The following PPP2R2B variants were observed in gnomAD, a reference collection of about 807,000 sequenced individuals.
PPP2R2B encodes the protein serine/threonine-protein phosphatase 2A 55 kDa regulatory subunit B beta isoform.
A neutral mutation model predicts 46.0 loss-of-function variants in PPP2R2B; 5 were observed. The ratio of observed to expected loss-of-function variants is 0.11; its 90% CI spans 0.06 to 0.23. PPP2R2B has a LOEUF of 0.23. Ranked by LOEUF, PPP2R2B falls within the 10% of genes least tolerant of loss-of-function variation. PPP2R2B has a pLI of 1.00. For missense variants in PPP2R2B, 367 were observed against 575.0 expected (o/e 0.64, Z 3.70); for synonymous variants, 215 against 206.7 (o/e 1.04, Z -0.34).
chr5:146,743,949 C>T lies in PPP2R2B; in HGVS notation c.71-42807G>A, dbSNP rs551338428. Among the ~76,000 whole-genome samples, 54 of 152,200 alleles carry T rather than the reference C, an allele frequency of 3.5e-4. No homozygotes were observed. In the South Asian group the frequency reaches 0.011, roughly 32 times the overall value. On this transcript the variant is annotated intron_variant, in intron 2 of 9. Coordinates refer to ENST00000394411, the MANE Select transcript of PPP2R2B (RefSeq NM_181675.4). Reference sequence around the variant, plus strand: ...CCCAACTGACCTTATTGATTATTTCCCACTGAGAGAGAATCACAGGTTAGC... The same window carrying T: ...CCCAACTGACCTTATTGATTATTTCTCACTGAGAGAGAATCACAGGTTAGC...
At chr5:146,779,381 T>C (rs921193940) in intron 2 of PPP2R2B, among the ~76,000 whole-genome samples, 6 of 152,168 alleles carry the variant, frequency 3.9e-5, no homozygotes, top group Non-Finnish European at 8.8e-5. Flanking sequence ...ATCTGAACCC[T>C]GGGCCTGATG....
At chr5:146,672,541 G>C (rs1490054530) in intron 5 of PPP2R2B, among the ~76,000 whole-genome samples, 2 of 152,090 alleles carry the variant, frequency 1.3e-5, no homozygotes, top group African/African-American at 4.8e-5. Flanking sequence ...CACATAAAGG[G>C]TAAGCAGACT....
At chr5:146,809,579 A>C (rs1426091392) in intron 2 of PPP2R2B, among the ~76,000 whole-genome samples, 1 of 152,202 alleles carries the variant, frequency 6.6e-6, no homozygotes, top group Non-Finnish European at 1.5e-5. Context: ...GAAATGACGT[A>C]TCAGCTAAAA....
Position 146,808,833 on chromosome 5 carries a change from C to G in PPP2R2B, c.70+69169G>C, listed in dbSNP as rs1047803751. Among the ~76,000 whole-genome samples the G allele has an allele frequency of 7.9e-5, 12 of 152,174 alleles. No individual in the cohort carries two copies. In the South Asian group the frequency reaches 8.3e-4, roughly 11 times the overall value. ...TAACTCTTCTAGTCAATTCTACTTT[C>G]ATGTTGGAGTTTGCAATCAACATTT... On this transcript the variant is annotated intron_variant, in intron 2 of 9. Transcript: ENST00000394411.
chr5:146,677,607 C>T (rs1005114843), intron 5 of PPP2R2B, among the ~76,000 whole-genome samples: 3 of 140,684 alleles, frequency 2.1e-5, no homozygotes, highest in Non-Finnish European at 3.1e-5. Flanking sequence ...GGCCTGATCT[C>T]GGCTCACTGC....
chr5:146,950,693 T>G (rs1207340091), intron 1 of PPP2R2B, among the ~76,000 whole-genome samples: 3 of 152,028 alleles, frequency 2.0e-5, no homozygotes, highest in Non-Finnish European at 4.4e-5. Context: ...GTGCTGGACC[T>G]AACATCACAG....
intron 2 of PPP2R2B, among the ~76,000 whole-genome samples, chr5:146,824,360 CTA>C (rs1758444441): frequency 6.6e-6 from 1 of 152,166 alleles, no homozygotes; most frequent in African/African-American, 2.4e-5. Flanking sequence ...ATGACCATCT[CTA>C]GTTTTCAGGC....
chr5:146,860,176 G>A (rs1274484272), intron 2 of PPP2R2B, among the ~76,000 whole-genome samples: 1 of 152,068 alleles, frequency 6.6e-6, no homozygotes, highest in African/African-American at 2.4e-5. Flanking sequence ...ATCTTAAAAC[G>A]TTTTACAGGT....
intron 2 of PPP2R2B, among the ~76,000 whole-genome samples, chr5:146,855,917 G>A (rs1234844224): frequency 6.6e-6 from 1 of 152,138 alleles, no homozygotes; most frequent in East Asian, 1.9e-4. Flanking sequence ...TAATGAAAGG[G>A]CTTTAGAATA....
intron 2 of PPP2R2B, among the ~76,000 whole-genome samples, chr5:146,833,714 T>A (rs935109706): frequency 2.0e-5 from 3 of 152,030 alleles, no homozygotes; most frequent in Non-Finnish European, 4.4e-5. Flanking sequence ...GTCTCTTCTT[T>A]TTCTGTCTCT....
chr5:147,007,535 C>T (rs757242431), intron 1 of PPP2R2B, among the ~76,000 whole-genome samples: 5 of 152,252 alleles, frequency 3.3e-5, no homozygotes, highest in East Asian at 3.9e-4. Context: ...AGCTGGCCAC[C>T]GGAGCCAGCA....
intron 6 of PPP2R2B, among the ~76,000 whole-genome samples, chr5:146,649,063 A>C (rs1217080203): frequency 6.6e-6 from 1 of 152,242 alleles, no homozygotes; most frequent in East Asian, 1.9e-4. Flanking sequence ...GAATGAATGG[A>C]GACCAGATGA....
At chr5:146,625,076 C>T (rs1378639451) in intron 7 of PPP2R2B, among the ~76,000 whole-genome samples, 1 of 152,258 alleles carries the variant, frequency 6.6e-6, no homozygotes, top group Non-Finnish European at 1.5e-5. Context: ...CAACAATAAA[C>T]ATTCGTTGAA....
At chr5:146,691,308 G>T in intron 4 of PPP2R2B, 68 bp from the exon 5 acceptor site, 1 of 1,296,622 alleles carries the variant, frequency 7.7e-7, no homozygotes, top group Non-Finnish European at 1.1e-6. Flanking sequence ...GTTTTCCTGG[G>T]GGCAATGGGG....
chr5:146,606,343 G>A (rs1772268298), intron 7 of PPP2R2B, among the ~76,000 whole-genome samples: 1 of 152,172 alleles, frequency 6.6e-6, no homozygotes. Context: ...TGATCCTGAA[G>A]GCCTGTTCAC....
Position 146,581,492 on chromosome 5 carries a change from G to T in PPP2R2B, c.*8455C>A, listed in dbSNP as rs978994546. 5.3e-5 allele frequency: 8 copies of T among 152,240 alleles called. No homozygotes were observed. The highest frequency in any genetic ancestry group is 4.2e-4 in the South Asian group (2 of 4,818). The allele number at this position is 152,240 out of a possible 1,614,324, so 9.4% of individuals were successfully genotyped here. On this transcript the variant is annotated 3_prime_UTR_variant, in exon 10 of 10. Coordinates refer to ENST00000394411, the MANE Select transcript of PPP2R2B (RefSeq NM_181675.4). ...GGATTACAATTTGACATGAGATTATGGTGAGGACACAGATCCAAATCATGT... is the reference window on the plus strand; with the variant it reads ...GGATTACAATTTGACATGAGATTATTGTGAGGACACAGATCCAAATCATGT...
At chr5:146,931,089 T>C (rs1763953429) in intron 1 of PPP2R2B, among the ~76,000 whole-genome samples, 1 of 152,170 alleles carries the variant, frequency 6.6e-6, no homozygotes, top group Non-Finnish European at 1.5e-5. Context: ...CTATACTCTA[T>C]AGTTCTATAC....
At chr5:146,855,435 A>T (rs1760598333) in intron 2 of PPP2R2B, among the ~76,000 whole-genome samples, 1 of 152,222 alleles carries the variant, frequency 6.6e-6, no homozygotes, top group Non-Finnish European at 1.5e-5. Flanking sequence ...CTTTATCCAT[A>T]GTCTGATGGA....
chr5:146,787,207 G>C (rs1012786083), intron 2 of PPP2R2B, among the ~76,000 whole-genome samples: 12 of 152,122 alleles, frequency 7.9e-5, no homozygotes, highest in African/African-American at 2.9e-4. Flanking sequence ...ATCTCCATGA[G>C]GGGAGCAGGC....
Sources: gnomAD v4.1 joint callset for allele counts (sites outside exome capture counted in the v4.1 genomes callset) on GRCh38, gnomAD v4.1.1 for gene constraint, MANE v1.5 for transcripts, NCBI Gene and HGNC (gene_info 2026-07-23, HGNC 2026-07-21) for gene names.